Variants in ACACA observed in about 807,000 individuals in gnomAD.
ACACA encodes acetyl-CoA carboxylase 1.
Under a neutral mutation model 296.1 loss-of-function variants are expected in ACACA, and 103 were observed. The ratio of observed to expected loss-of-function variants is 0.35; its 90% CI spans 0.30 to 0.41. The LOEUF (loss-of-function observed/expected upper bound fraction) is 0.41, where lower values mean the gene tolerates loss of function less well. Among genes scored for constraint, ACACA ranks in the 10% least tolerant of loss-of-function variants. ACACA has a pLI of 1.00. For synonymous variants in ACACA, 953 were observed against 1,038.6 expected (o/e 0.92, Z 1.58); for missense variants, 1,554 against 2,989.7 (o/e 0.52, Z 11.20).
intron 1 of ACACA, among the ~76,000 whole-genome samples, chr17:37,403,134 A>G (rs1009579490): frequency 1.3e-5 from 2 of 152,214 alleles, no homozygotes; most frequent in African/African-American, 4.8e-5. Flanking sequence ...ATACAGTTTT[A>G]GTTCTGACAC....
At chr17:37,384,585 TGTG>T (rs548207675) in intron 1 of ACACA, among the ~76,000 whole-genome samples, 91 of 152,300 alleles carry the variant, frequency 6.0e-4, no homozygotes, top group African/African-American at 2.1e-3. Context: ...ACAGATAACT[TGTG>T]GTGACTTGTC....
At chr17:37,270,502 C>T (rs896650835) in intron 10 of ACACA, among the ~76,000 whole-genome samples, 1 of 152,084 alleles carries the variant, frequency 6.6e-6, no homozygotes, top group Admixed American at 6.6e-5. Context: ...AAACTGAGCA[C>T]GTTTATATAA....
intron 5 of ACACA, among the ~76,000 whole-genome samples, chr17:37,279,209 T>A (rs1200435938): frequency 6.6e-6 from 1 of 152,082 alleles, no homozygotes. Flanking sequence ...AAAATTCTAC[T>A]AAAAAAAATT....
In ACACA at chr17:37,347,755, AAAAAGAAAGAAAG is replaced by A. The variant is rs1231027113; in HGVS notation, c.39-7918_39-7906del. ...CCATCCCTACTTACGTAAAAAAAAA[AAAAAGAAAGAAAG>A]AAAAAAAATTTTTTAACAAGAAAGA... is the stretch of plus-strand genomic sequence containing the variant. On this transcript the variant is annotated intron_variant, in intron 1 of 55. Coordinates refer to ENST00000616317, the MANE Select transcript of ACACA (RefSeq NM_198834.3). Among the ~76,000 whole-genome samples the A allele has an allele frequency of 9.8e-3, 1,485 of 151,538 alleles. 29 individuals carry two copies. The highest frequency in any genetic ancestry group is 0.033 in the African/African-American group (1,340 of 41,208).
At chr17:37,371,102 GGAA>G (rs2049788404) in intron 1 of ACACA, among the ~76,000 whole-genome samples, 1 of 151,978 alleles carries the variant, frequency 6.6e-6, no homozygotes, top group African/African-American at 2.4e-5. Flanking sequence ...TTTTTGAGAT[GGAA>G]TTTCACTCTT....
At chr17:37,354,195 G>A (rs974338237) in intron 1 of ACACA, among the ~76,000 whole-genome samples, 3 of 152,176 alleles carry the variant, frequency 2.0e-5, no homozygotes, top group African/African-American at 7.2e-5. Flanking sequence ...CAGTCCTGAT[G>A]TCATGGAATG....
chr17:37,152,759 G>A (rs1395080652), intron 43 of ACACA, among the ~76,000 whole-genome samples: 1 of 152,160 alleles, frequency 6.6e-6, no homozygotes, highest in African/African-American at 2.4e-5. Flanking sequence ...TGTTCCACGT[G>A]TACCCAGAAG....
rs143960837 is a variant in ACACA, at chr17:37,151,186, C to A, written c.5568+115G>T. On this transcript the variant is annotated intron_variant, in intron 44 of 55. Coordinates refer to ENST00000616317, the MANE Select transcript of ACACA (RefSeq NM_198834.3). The stretch of plus-strand genomic sequence containing the variant: ...TGTGTGATTAAAATATAATTATAGA[C>A]ATACAATCTTCAAGAAATGCTCTCA... 3.4e-3 allele frequency: 3,934 copies of A among 1,159,850 alleles called. 88 individuals carry two copies. The highest frequency in any genetic ancestry group is 0.033 in the South Asian group (2,500 of 76,314). The allele number at this position is 1,159,850 out of a possible 1,614,324, so 71.8% of individuals were successfully genotyped here.
intron 29 of ACACA, among the ~76,000 whole-genome samples, chr17:37,220,302 G>A (rs2079223210): frequency 6.6e-6 from 1 of 152,170 alleles, no homozygotes; most frequent in South Asian, 2.1e-4. Context: ...AGAGAGACAA[G>A]GAGAGTGATG....
At chr17:37,206,972 C>T (rs1292385168) in intron 31 of ACACA, 93 bp from the exon 32 acceptor site, 3 of 1,148,680 alleles carry the variant, frequency 2.6e-6, no homozygotes, top group Non-Finnish European at 3.9e-6. Context: ...AATAATCTAT[C>T]TTAGCCTGGG....
At chr17:37,167,119 A>ATT (rs11290127) in intron 41 of ACACA, among the ~76,000 whole-genome samples, 4,872 of 101,232 alleles carry the variant, frequency 0.048, 238 homozygotes, top group African/African-American at 0.12. Context: ...TAATTTTTGC[A>ATT]TTTTTTTTTT....
chr17:37,286,410 C>T (rs2082774491), intron 3 of ACACA, among the ~76,000 whole-genome samples: 1 of 152,150 alleles, frequency 6.6e-6, no homozygotes, highest in South Asian at 2.1e-4. Flanking sequence ...GGTTATTTAC[C>T]TATTGTCTCT....
intron 14 of ACACA, among the ~76,000 whole-genome samples, chr17:37,253,754 A>G (rs1278434546): frequency 6.6e-6 from 1 of 152,166 alleles, no homozygotes; most frequent in East Asian, 1.9e-4. Context: ...TACCTTATTT[A>G]TTTTATGTAT....
At chr17:37,328,626 G>T in intron 3 of ACACA, 1 of 311,972 alleles carries the variant, frequency 3.2e-6, no homozygotes, top group Non-Finnish European at 5.8e-6. Context: ...AGGGATAACA[G>T]TAAGACAGAA....
At chr17:37,323,232 G>A (rs1415351828) in intron 3 of ACACA, among the ~76,000 whole-genome samples, 3 of 152,266 alleles carry the variant, frequency 2.0e-5, no homozygotes, top group Admixed American at 6.5e-5. Flanking sequence ...GCAACCGAAG[G>A]AGCAAGCAAG....
chr17:37,304,404 C>T (rs1021763653), intron 3 of ACACA, among the ~76,000 whole-genome samples: 2 of 152,066 alleles, frequency 1.3e-5, no homozygotes, highest in East Asian at 1.9e-4. Flanking sequence ...AAATCCACCC[C>T]GCTTGCCTCC....
chr17:37,281,923 C>T (rs1047460144), intron 5 of ACACA, among the ~76,000 whole-genome samples: 15 of 152,152 alleles, frequency 9.9e-5, no homozygotes, highest in Admixed American at 9.2e-4. Flanking sequence ...ATGATCTCAT[C>T]TTTACAATTA....
At chr17:37,377,843 C>T (rs755649634) in intron 1 of ACACA, 4 of 1,533,118 alleles carry the variant, frequency 2.6e-6, no homozygotes, top group Non-Finnish European at 3.6e-6. Flanking sequence ...CCCAAACCTT[C>T]CCCGGTTCCC....
At chr17:37,212,805 A>T (rs2078809243) in intron 29 of ACACA, among the ~76,000 whole-genome samples, 3 of 151,792 alleles carry the variant, frequency 2.0e-5, no homozygotes, top group African/African-American at 7.2e-5. Context: ...CAAATTTTTC[A>T]TCCTATACAA....
Sources: gnomAD v4.1 joint callset for allele counts (sites outside exome capture counted in the v4.1 genomes callset) on GRCh38, gnomAD v4.1.1 for gene constraint, MANE v1.5 for transcripts, NCBI Gene and HGNC (gene_info 2026-07-23, HGNC 2026-07-21) for gene names.